Variants in RNF13 observed in about 807,000 individuals in gnomAD.
RNF13 encodes the protein ring finger protein 13, also known as E3 ubiquitin-protein ligase RNF13.
In RNF13, 19 loss-of-function variants were observed where a neutral mutation model predicts 37.7. The ratio of observed to expected loss-of-function variants is 0.50; its 90% CI spans 0.35 to 0.74. The LOEUF is 0.74. Ranked by LOEUF, RNF13 falls within the 30% of genes least tolerant of loss-of-function variation. The probability of loss-of-function intolerance (pLI) is 0.01; values close to 1 mark genes in which losing one functional copy is unlikely to be tolerated. For synonymous variants in RNF13, 144 were observed against 157.8 expected (o/e 0.91, Z 0.65); for missense variants, 375 against 453.0 (o/e 0.83, Z 1.56).
intron 8 of RNF13, among the ~76,000 whole-genome samples, chr3:149,934,292 T>C (rs555380298): frequency 2.0e-5 from 3 of 152,216 alleles, no homozygotes; most frequent in South Asian, 4.1e-4. Context: ...GACTTTATCT[T>C]TTCAAAAAAC....
intron 1 of RNF13, among the ~76,000 whole-genome samples, chr3:149,843,409 A>G (rs1722355171): frequency 6.6e-6 from 1 of 152,162 alleles, no homozygotes; most frequent in Non-Finnish European, 1.5e-5. Context: ...TAATTTGAGG[A>G]TTATTTATAA....
rs1398845788 is a variant in RNF13, at chr3:149,962,032, G to GAA, written c.*930_*931dup. The GAA allele has an allele frequency of 2.6e-5, 4 of 152,616 alleles. No homozygotes were observed. The highest frequency in any genetic ancestry group is 7.2e-5 in the African/African-American group (3 of 41,430). The allele number at this position is 152,616 out of a possible 1,614,324, so 9.5% of individuals were successfully genotyped here. A position where few individuals can be genotyped will look rare whatever the true frequency, so the allele number is the denominator to read the frequency against. On this transcript the variant is annotated 3_prime_UTR_variant, in exon 10 of 10. Coordinates refer to ENST00000392894, the MANE Select transcript of RNF13 (RefSeq NM_183381.3). ...AATTATACATCATTGTAACTATGTA[G>GAA]AAAGTGTAGACTAATGTATAATCAA...
At chr3:149,854,199 A>T (rs556650274) in intron 3 of RNF13, among the ~76,000 whole-genome samples, 52 of 152,016 alleles carry the variant, frequency 3.4e-4, no homozygotes, top group African/African-American at 1.2e-3. Flanking sequence ...CACCTCTGGG[A>T]GGGGCATTGA....
At chr3:149,915,154 G>A (rs1249908456) in intron 7 of RNF13, among the ~76,000 whole-genome samples, 2 of 152,024 alleles carry the variant, frequency 1.3e-5, no homozygotes, top group Non-Finnish European at 2.9e-5. Context: ...TATCATGTTT[G>A]TGTTGGGTTA....
intron 4 of RNF13, among the ~76,000 whole-genome samples, chr3:149,892,561 C>T (rs1433503507): frequency 6.6e-6 from 1 of 152,136 alleles, no homozygotes; most frequent in Non-Finnish European, 1.5e-5. Context: ...GGAAATGGGC[C>T]GCATGGCAGG....
intron 8 of RNF13, among the ~76,000 whole-genome samples, chr3:149,955,970 G>A (rs1721823337): frequency 6.6e-6 from 1 of 152,010 alleles, no homozygotes; most frequent in Non-Finnish European, 1.5e-5. Context: ...GTTACAGCCT[G>A]GCCAAATTCA....
chr3:149,942,030 G>GT (rs1720334934), intron 8 of RNF13, among the ~76,000 whole-genome samples: 1 of 151,840 alleles, frequency 6.6e-6, no homozygotes, highest in South Asian at 2.1e-4. Flanking sequence ...ATATACAAGG[G>GT]TTTATTCCTA....
intron 8 of RNF13, among the ~76,000 whole-genome samples, chr3:149,959,095 T>C (rs1722137713): frequency 1.3e-5 from 2 of 152,228 alleles, no homozygotes; most frequent in Admixed American, 6.5e-5. Flanking sequence ...GCAATGAATT[T>C]AACTGTCTTT....
At chr3:149,816,927 G>A (rs1719518510) in intron 1 of RNF13, among the ~76,000 whole-genome samples, 1 of 152,160 alleles carries the variant, frequency 6.6e-6, no homozygotes, top group Non-Finnish European at 1.5e-5. Context: ...TTGACACTGG[G>A]AACTGACCAG....
intron 1 of RNF13, among the ~76,000 whole-genome samples, chr3:149,829,989 C>G (rs1488943320): frequency 6.6e-6 from 1 of 150,708 alleles, no homozygotes; most frequent in East Asian, 2.0e-4. Flanking sequence ...CCATGTAAGA[C>G]ATGCCTTTGC....
intron 8 of RNF13, among the ~76,000 whole-genome samples, chr3:149,959,362 T>TA (rs1281758921): frequency 1.3e-5 from 2 of 152,038 alleles, no homozygotes; most frequent in Non-Finnish European, 2.9e-5. Flanking sequence ...TTTAAAAACT[T>TA]AAAAAACACT....
chr3:149,896,996 T>G (rs113761592), intron 5 of RNF13, among the ~76,000 whole-genome samples: 1,750 of 152,316 alleles, frequency 0.011, 35 homozygotes, highest in African/African-American at 0.04. Context: ...TTACAGGACT[T>G]ACTTAAGTGA....
intron 1 of RNF13, among the ~76,000 whole-genome samples, chr3:149,839,730 A>G (rs1576743540): frequency 6.6e-6 from 1 of 152,146 alleles, no homozygotes; most frequent in Admixed American, 6.5e-5. Flanking sequence ...CCAAACCCAT[A>G]CCAGCCATAA....
At chr3:149,858,223 A>G (rs1025420243) in intron 3 of RNF13, among the ~76,000 whole-genome samples, 3 of 152,188 alleles carry the variant, frequency 2.0e-5, no homozygotes, top group Non-Finnish European at 4.4e-5. Flanking sequence ...CTTCCTTTAT[A>G]AATAACCTGC....
chr3:149,862,544 T>G (rs1006048656), intron 3 of RNF13, among the ~76,000 whole-genome samples: 73 of 152,284 alleles, frequency 4.8e-4, no homozygotes, highest in African/African-American at 1.8e-3. Flanking sequence ...AAATTTTCTT[T>G]GCTGTGGTTT....
At chr3:149,871,513 A>G (rs761272242) in intron 3 of RNF13, among the ~76,000 whole-genome samples, 3 of 151,324 alleles carry the variant, frequency 2.0e-5, no homozygotes, top group Admixed American at 6.6e-5. Context: ...ATATACTATA[A>G]TTGTTTAAAT....
chr3:149,928,702 A>AT, intron 8 of RNF13, among the ~76,000 whole-genome samples: 1 of 152,112 alleles, frequency 6.6e-6, no homozygotes, highest in East Asian at 1.9e-4. Flanking sequence ...AGAACTTTAT[A>AT]TTTTTGCAAA....
At chr3:149,912,815 G>T (rs948943248) in intron 7 of RNF13, among the ~76,000 whole-genome samples, 1 of 152,048 alleles carries the variant, frequency 6.6e-6, no homozygotes, top group Non-Finnish European at 1.5e-5. Context: ...AGGTCTGCAA[G>T]CTCAAAATTA....
intron 1 of RNF13, among the ~76,000 whole-genome samples, chr3:149,833,118 C>CTTTTTT (rs34729566): frequency 2.7e-5 from 3 of 111,904 alleles, no homozygotes; most frequent in African/African-American, 1.0e-4. Flanking sequence ...CTCTCTCTCT[C>CTTTTTT]TTTTTTTTTT....
Sources: gnomAD v4.1 joint callset for allele counts (sites outside exome capture counted in the v4.1 genomes callset) on GRCh38, gnomAD v4.1.1 for gene constraint, MANE v1.5 for transcripts, NCBI Gene and HGNC (gene_info 2026-07-23, HGNC 2026-07-21) for gene names.